OSBPL1A: variants seen among roughly 807,000 people sequenced by gnomAD.
OSBPL1A encodes the protein oxysterol binding protein like 1A.
In OSBPL1A, 80 loss-of-function variants were observed where a neutral mutation model predicts 137.1. That is an observed-to-expected ratio of 0.58 (90% CI 0.49 to 0.70). OSBPL1A has a LOEUF of 0.70. Ranked by LOEUF, OSBPL1A falls within the 30% of genes least tolerant of loss-of-function variation. The probability of loss-of-function intolerance (pLI) is 0.00; values close to 1 mark genes in which losing one functional copy is unlikely to be tolerated. For missense variants in OSBPL1A, 970 were observed against 1,129.4 expected, an observed-to-expected ratio of 0.86 and a Z score of 2.02; for synonymous variants, 365 against 389.7, an observed-to-expected ratio of 0.94 and a Z score of 0.75.
chr18:24,247,658 C>T (rs975788185), intron 15 of OSBPL1A, among the ~76,000 whole-genome samples: 3 of 139,874 alleles, frequency 2.1e-5, no homozygotes, highest in African/African-American at 8.2e-5. Context: ...TTAATAGGGA[C>T]AGGGTTTTGC....
In OSBPL1A at chr18:24,165,294, A is replaced by G. The variant is rs1195801946; in HGVS notation, c.2660-139T>C. The stretch of plus-strand genomic sequence containing the variant: ...ATTAGAACACAAATACCAGAATCAA[A>G]TATCAAGCAAAAATTTTAACAGATA... On this transcript the variant is annotated intron_variant, in intron 26 of 27. Coordinates refer to ENST00000319481, the MANE Select transcript of OSBPL1A (RefSeq NM_080597.4). The G allele has an allele frequency of 3.0e-5, 23 of 774,264 alleles. No individual in the cohort carries two copies. In the Admixed American group the frequency reaches 6.5e-4, roughly 22 times the overall value. The allele number at this position is 774,264 out of a possible 1,614,324, so 48.0% of individuals were successfully genotyped here.
chr18:24,334,327 A>C lies in OSBPL1A; in HGVS notation c.398T>G (p.Val133Gly). The change falls in exon 6 of 28, where the codon GTA becomes GGA. Residue 133 changes from valine (V) to glycine (G), a missense_variant. By Grantham distance (109) the Val-to-Gly change is moderately radical (BLOSUM62 -3). Transcript: ENST00000319481. ...AEEIRSMLEA[V>G]ERTQQRKLEE... ...AAGCTTTCTTTGTTGAGTCCTTTCT[A>C]CAGCTGCAAAAGAAAAGTACTTATT... 1 of 1,607,106 alleles carries C rather than the reference A, an allele frequency of 6.2e-7. No individual in the cohort carries two copies. The highest frequency in any genetic ancestry group is 8.5e-7 in the Non-Finnish European group (1 of 1,177,990).
chr18:24,349,309 G>GA (rs995473889), intron 4 of OSBPL1A, among the ~76,000 whole-genome samples: 3 of 150,304 alleles, frequency 2.0e-5, no homozygotes, highest in African/African-American at 4.9e-5. Context: ...AGACAGACAA[G>GA]AAAAAAAAAG....
At chr18:24,301,662 T>G (rs1166624757) in intron 14 of OSBPL1A, among the ~76,000 whole-genome samples, 1 of 152,214 alleles carries the variant, frequency 6.6e-6, no homozygotes, top group African/African-American at 2.4e-5. Flanking sequence ...GTTATTATCT[T>G]AAAGTCTATT....
chr18:24,390,186 C>T (rs1444809379), intron 1 of OSBPL1A, among the ~76,000 whole-genome samples: 2 of 152,156 alleles, frequency 1.3e-5, no homozygotes, highest in East Asian at 3.8e-4. Context: ...AATCTTAAAA[C>T]ATCAGAGAAG....
At chr18:24,390,624 G>C (rs935391770) in intron 1 of OSBPL1A, among the ~76,000 whole-genome samples, 2 of 143,624 alleles carry the variant, frequency 1.4e-5, no homozygotes, top group Non-Finnish European at 3.0e-5. Flanking sequence ...CAACCTGGGA[G>C]GCAGAGGTTG....
chr18:24,238,516 C>G (rs998360534), intron 16 of OSBPL1A, among the ~76,000 whole-genome samples: 1 of 152,188 alleles, frequency 6.6e-6, no homozygotes, highest in Non-Finnish European at 1.5e-5. Context: ...AGGCACTGTT[C>G]TAACCACTAT....
intron 1 of OSBPL1A, among the ~76,000 whole-genome samples, chr18:24,384,736 G>T (rs935236859): frequency 1.3e-5 from 2 of 151,860 alleles, no homozygotes; most frequent in Non-Finnish European, 2.9e-5. Context: ...CAAGCGTGGT[G>T]GTGGGCCCCT....
chr18:24,300,706 A>C (rs1391774266), intron 14 of OSBPL1A, among the ~76,000 whole-genome samples: 1 of 152,254 alleles, frequency 6.6e-6, no homozygotes, highest in African/African-American at 2.4e-5. Flanking sequence ...AAGTCAACTA[A>C]CAATTACAAC....
chr18:24,175,111 T>TATATATATATATATATATAC (rs1567920011), intron 21 of OSBPL1A, among the ~76,000 whole-genome samples: 12 of 13,972 alleles, frequency 8.6e-4, no homozygotes, highest in Non-Finnish European at 4.8e-3. Context: ...TGTGTATGTA[T>TATATATATATATATATATAC]ATATATATAT....
chr18:24,313,383 A>G (rs1462145419), intron 12 of OSBPL1A, among the ~76,000 whole-genome samples: 1 of 151,102 alleles, frequency 6.6e-6, no homozygotes, highest in Non-Finnish European at 1.5e-5. Context: ...AGAGGTTGCA[A>G]TGAGCCTAGA....
At chr18:24,325,688 C>A (rs1372513620) in intron 7 of OSBPL1A, among the ~76,000 whole-genome samples, 1 of 152,220 alleles carries the variant, frequency 6.6e-6, no homozygotes, top group Non-Finnish European at 1.5e-5. Flanking sequence ...AGCTCAAGAG[C>A]ACGGGGACTG....
intron 7 of OSBPL1A, among the ~76,000 whole-genome samples, chr18:24,327,967 CATT>C (rs1323163584): frequency 1.4e-5 from 2 of 147,996 alleles, no homozygotes; most frequent in Non-Finnish European, 3.0e-5. Flanking sequence ...AAGGAAAAAT[CATT>C]ATAAAATACC....
chr18:24,243,189 G>A (rs887763755), intron 15 of OSBPL1A, among the ~76,000 whole-genome samples: 2 of 152,038 alleles, frequency 1.3e-5, no homozygotes, highest in South Asian at 2.1e-4. Context: ...TCACGCCGTC[G>A]CACTCCAGCC....
intron 2 of OSBPL1A, among the ~76,000 whole-genome samples, chr18:24,369,225 G>A (rs908276714): frequency 7.2e-5 from 11 of 152,162 alleles, no homozygotes; most frequent in Admixed American, 2.0e-4. Flanking sequence ...GGGTTGCCAA[G>A]GTGAAAGAGA....
chr18:24,236,644 T>C (rs2088486506), intron 16 of OSBPL1A, among the ~76,000 whole-genome samples: 1 of 152,126 alleles, frequency 6.6e-6, no homozygotes, highest in South Asian at 2.1e-4. Context: ...GCAAGGAGAA[T>C]ATGCTTGGCA....
intron 14 of OSBPL1A, among the ~76,000 whole-genome samples, chr18:24,289,419 T>TTG (rs1491413759): frequency 1.5e-4 from 4 of 26,114 alleles, no homozygotes; most frequent in African/African-American, 1.3e-3. Context: ...TTTTTTCCTG[T>TTG]TTTTTTTTTT....
chr18:24,256,211 A>G (rs2089269526), intron 15 of OSBPL1A, among the ~76,000 whole-genome samples: 2 of 152,254 alleles, frequency 1.3e-5, no homozygotes, highest in South Asian at 4.1e-4. Flanking sequence ...TCTGATGAAT[A>G]CTGATGCATA....
intron 5 of OSBPL1A, among the ~76,000 whole-genome samples, chr18:24,340,491 T>G (rs1036921751): frequency 6.6e-6 from 1 of 151,710 alleles, no homozygotes; most frequent in African/African-American, 2.4e-5. Flanking sequence ...CTGGGCAACA[T>G]AGTGAGACCT....
Sources: gnomAD v4.1 joint callset for allele counts (sites outside exome capture counted in the v4.1 genomes callset) on GRCh38, gnomAD v4.1.1 for gene constraint, MANE v1.5 for transcripts, NCBI Gene and HGNC (gene_info 2026-07-23, HGNC 2026-07-21) for gene names.